The following APBA1 variants were observed in gnomAD, a reference collection of about 807,000 sequenced individuals.
APBA1 encodes amyloid beta precursor protein binding family A member 1.
A neutral mutation model predicts 86.6 loss-of-function variants in APBA1; 55 were observed. That is an observed-to-expected ratio of 0.64 (90% CI 0.51 to 0.80). The LOEUF is 0.80. Ranked by LOEUF, APBA1 falls within the 30% of genes least tolerant of loss-of-function variation. The pLI is 0.00. For missense variants in APBA1, 1,090 were observed against 1,183.0 expected, an observed-to-expected ratio of 0.92 and a Z score of 1.15; for synonymous variants, 511 against 493.9, an observed-to-expected ratio of 1.03 and a Z score of -0.46.
chr9:69,528,933 G>C (rs1199874410), intron 1 of APBA1, among the ~76,000 whole-genome samples: 1 of 150,448 alleles, frequency 6.6e-6, no homozygotes, highest in Non-Finnish European at 1.5e-5. Context: ...CTTTTTTTTT[G>C]AGACCACATC....
At chr9:69,632,474 T>C (rs780398436) in intron 1 of APBA1, among the ~76,000 whole-genome samples, 3 of 152,168 alleles carry the variant, frequency 2.0e-5, no homozygotes, top group Admixed American at 6.5e-5. Flanking sequence ...ATGGAGGACC[T>C]AAGCTTCCTG....
intron 1 of APBA1, among the ~76,000 whole-genome samples, chr9:69,565,642 T>A (rs942620182): frequency 6.6e-6 from 1 of 152,228 alleles, no homozygotes; most frequent in African/African-American, 2.4e-5. Context: ...AGCAGTGCCA[T>A]GGCAGCTGTC....
At chr9:69,530,195 A>G (rs1286312193) in intron 1 of APBA1, among the ~76,000 whole-genome samples, 1 of 152,064 alleles carries the variant, frequency 6.6e-6, no homozygotes, top group African/African-American at 2.4e-5. Flanking sequence ...CATATTAAAA[A>G]GACACATGCA....
chr9:69,599,720 C>T (rs1053093935), intron 1 of APBA1, among the ~76,000 whole-genome samples: 1 of 152,290 alleles, frequency 6.6e-6, no homozygotes, highest in East Asian at 1.9e-4. Context: ...AGACACTATG[C>T]AGACCTCCTG....
chr9:69,441,346 A>T (rs1056030540), intron 10 of APBA1, among the ~76,000 whole-genome samples: 1 of 152,132 alleles, frequency 6.6e-6, no homozygotes, highest in Non-Finnish European at 1.5e-5. Context: ...CCACGCACAG[A>T]TGGGGTTCCT....
intron 2 of APBA1, among the ~76,000 whole-genome samples, chr9:69,500,693 A>G: frequency 6.6e-6 from 1 of 151,898 alleles, no homozygotes; most frequent in Non-Finnish European, 1.5e-5. Flanking sequence ...GCACTTACCA[A>G]TTTTGACTGA....
At chr9:69,439,886 G>A (rs916061485) in intron 11 of APBA1, among the ~76,000 whole-genome samples, 3 of 152,176 alleles carry the variant, frequency 2.0e-5, no homozygotes, top group Non-Finnish European at 4.4e-5. Context: ...TGGTTTTTCT[G>A]CTCTGTTTTT....
intron 1 of APBA1, among the ~76,000 whole-genome samples, chr9:69,632,202 A>G (rs1312186835): frequency 6.6e-6 from 1 of 152,164 alleles, no homozygotes; most frequent in Non-Finnish European, 1.5e-5. Context: ...TTAATGACCC[A>G]CAAACAAATT....
intron 1 of APBA1, among the ~76,000 whole-genome samples, chr9:69,620,856 G>GCGGT (rs1281722415): frequency 2.0e-5 from 3 of 152,178 alleles, no homozygotes; most frequent in Admixed American, 2.0e-4. Flanking sequence ...TCGGGCTGGT[G>GCGGT]CGGTCACACG....
chr9:69,510,767 G>A (rs796833142), intron 2 of APBA1, among the ~76,000 whole-genome samples: 32 of 145,714 alleles, frequency 2.2e-4, no homozygotes, highest in East Asian at 1.0e-3. Context: ...AAATAACGCC[G>A]CATATCTACA....
At chr9:69,481,237 C>T (rs1409242483) in intron 2 of APBA1, among the ~76,000 whole-genome samples, 2 of 151,952 alleles carry the variant, frequency 1.3e-5, no homozygotes, top group African/African-American at 4.8e-5. Context: ...ACTGTCTCAG[C>T]CCAAAATCTC....
intron 1 of APBA1, among the ~76,000 whole-genome samples, chr9:69,538,941 T>C (rs1836556009): frequency 6.6e-6 from 1 of 152,200 alleles, no homozygotes. Flanking sequence ...CAATATCTTG[T>C]AGTCATTTTA....
At chr9:69,635,153 T>G (rs1023452589) in intron 1 of APBA1, among the ~76,000 whole-genome samples, 3 of 152,036 alleles carry the variant, frequency 2.0e-5, no homozygotes, top group African/African-American at 4.8e-5. Flanking sequence ...TCAAAAAAAC[T>G]ATAACAACTT....
intron 2 of APBA1, among the ~76,000 whole-genome samples, chr9:69,490,500 C>T (rs1004183427): frequency 1.5e-4 from 22 of 151,598 alleles, no homozygotes; most frequent in African/African-American, 5.3e-4. Flanking sequence ...AAAAAAAAGC[C>T]CTAGAAGATA....
intron 5 of APBA1, chr9:69,461,816 C>G (rs1835195700): frequency 6.6e-6 from 1 of 152,170 alleles, no homozygotes; most frequent in African/African-American, 2.4e-5. Context: ...ATGGGGTTAA[C>G]AACACCTACC....
intron 1 of APBA1, among the ~76,000 whole-genome samples, chr9:69,552,184 A>G (rs1229912579): frequency 1.3e-5 from 2 of 152,228 alleles, no homozygotes; most frequent in Non-Finnish European, 2.9e-5. Context: ...TGAGGATTTT[A>G]AAAAGGAAAA....
At chr9:69,514,303 T>C (rs1330926250) in intron 2 of APBA1, among the ~76,000 whole-genome samples, 3 of 152,168 alleles carry the variant, frequency 2.0e-5, no homozygotes, top group Non-Finnish European at 2.9e-5. Flanking sequence ...TGAAAAAAAC[T>C]GCAGAGCCTG....
At chr9:69,447,037 C>G (rs1423149723) in intron 10 of APBA1, among the ~76,000 whole-genome samples, 1 of 152,192 alleles carries the variant, frequency 6.6e-6, no homozygotes, top group Non-Finnish European at 1.5e-5. Context: ...CCAGCACTGT[C>G]AGGTTCTGGC....
rs1823670966 is a variant in APBA1, at chr9:69,658,302, C to CTCTCTCTTTCTT, written c.-70+13850_-70+13851insAAGAAAGAGAGA. On this transcript the variant is annotated intron_variant, in intron 1 of 12. Coordinates refer to ENST00000265381, the MANE Select transcript of APBA1 (RefSeq NM_001163.4). ...TTTCTTTCTCTCTCTCTTTCTCTCT[C>CTCTCTCTTTCTT]TCTCTTTCTTTCTTTCTTTCTTTCT... Among the ~76,000 whole-genome samples, 2 of 83,618 alleles carry CTCTCTCTTTCTT rather than the reference C, an allele frequency of 2.4e-5. 1 individual carries two copies. The highest frequency in any genetic ancestry group is 2.6e-4 in the Admixed American group (2 of 7,782). The allele number at this position is 83,618 out of a possible 152,430, so 54.9% of individuals were successfully genotyped here. A position where few individuals can be genotyped will look rare whatever the true frequency, so the allele number is the denominator to read the frequency against.
Sources: allele counts gnomAD v4.1 joint callset (sites outside exome capture counted in the v4.1 genomes callset), GRCh38; gene constraint gnomAD v4.1.1; transcripts MANE v1.5; gene names NCBI Gene and HGNC (gene_info 2026-07-23, HGNC 2026-07-21).